The following ANKRD20A1 variants were observed in gnomAD, a reference collection of about 807,000 sequenced individuals.
ANKRD20A1 encodes the protein ankyrin repeat domain 20 family member A1, also known as ankyrin repeat domain-containing protein 20A1.
A neutral mutation model predicts 50.9 loss-of-function variants in ANKRD20A1; 2 were observed. The observed-to-expected ratio is 0.04, with a 90% CI of 0.02 to 0.12. The LOEUF (loss-of-function observed/expected upper bound fraction) is 0.12, where lower values mean the gene tolerates loss of function less well. ANKRD20A1 is among the 10% of genes least tolerant of loss of function. ANKRD20A1 has a pLI of 1.00. For missense variants in ANKRD20A1, 31 were observed against 548.1 expected, an observed-to-expected ratio of 0.06 and a Z score of 9.42; for synonymous variants, 10 against 186.2, an observed-to-expected ratio of 0.05 and a Z score of 7.70.
rs1827492856 is a variant in ANKRD20A1 at position 67,860,387 on chromosome 9, T to G, written c.203+758T>G. 2 of 40,970 alleles carry G rather than the reference T, an allele frequency of 4.9e-5. 1 individual carries two copies. Among genetic ancestry groups the G allele is most frequent in the African/African-American group, 2.6e-4 (2 of 7,646 alleles). The allele number at this position is 40,970 out of a possible 1,614,324, so 2.5% of individuals were successfully genotyped here. On this transcript the variant is annotated intron_variant, in intron 1 of 14. Transcript: ENST00000562196. Reference sequence around the variant, plus strand: ...ATATCATAAGATATATATATATTACTGATATGTATACATATATAACACATA... The same window carrying G: ...ATATCATAAGATATATATATATTACGGATATGTATACATATATAACACATA...
chr9:67,897,506 A>C (rs1828015227), intron 12 of ANKRD20A1, 53 bp from the exon 13 acceptor site: 1 of 515,076 alleles, frequency 1.9e-6, no homozygotes, highest in Admixed American at 4.1e-5. Context: ...TCAGGGAAAA[A>C]GTTCTTTTTA....
At chr9:67,891,083 G>T (rs556837075) in intron 11 of ANKRD20A1, among the ~76,000 whole-genome samples, 1 of 87,788 alleles carries the variant, frequency 1.1e-5, no homozygotes, top group South Asian at 3.7e-4. Flanking sequence ...ATAACCTGAG[G>T]TTGGGAGTTT....
At chr9:67,891,383 A>C (rs1827945285) in intron 11 of ANKRD20A1, among the ~76,000 whole-genome samples, 1 of 118,830 alleles carries the variant, frequency 8.4e-6, no homozygotes, top group Admixed American at 9.8e-5. Context: ...ACTGAAACAG[A>C]AAAAGTGTAA....
chr9:67,865,199 A>T (rs1426180460), intron 3 of ANKRD20A1, among the ~76,000 whole-genome samples: 1 of 150,570 alleles, frequency 6.6e-6, no homozygotes. Flanking sequence ...GAACTTTAGC[A>T]TACCCAAAAT....
chr9:67,882,229 T>C (rs1827811039), intron 8 of ANKRD20A1, among the ~76,000 whole-genome samples: 1 of 151,218 alleles, frequency 6.6e-6, no homozygotes, highest in Non-Finnish European at 1.5e-5. Context: ...TCAAGTGTTC[T>C]GCCTGCCTCA....
At chr9:67,882,618 A>G (rs1217071155) in intron 8 of ANKRD20A1, among the ~76,000 whole-genome samples, 1 of 148,954 alleles carries the variant, frequency 6.7e-6, no homozygotes, top group African/African-American at 2.4e-5. Flanking sequence ...TATTAAATAT[A>G]CTTTTTCAAG....
rs1175039389 is a variant in ANKRD20A1, at chr9:67,860,211, G to A, written c.203+582G>A. Among the ~76,000 whole-genome samples, 17 of 44,950 alleles carry A rather than the reference G, an allele frequency of 3.8e-4. 8 individuals carry two copies. Among genetic ancestry groups the A allele is most frequent in the Non-Finnish European group, 6.5e-4 (15 of 22,942 alleles). The allele number at this position is 44,950 out of a possible 152,430, so 29.5% of individuals were successfully genotyped here. ...TAGCTGGGATTGCAGGCAGGTGCCA[G>A]CATGCCTGGCTAATTTTTGTATATT... On this transcript the variant is annotated intron_variant, in intron 1 of 14. Coordinates refer to ENST00000562196, the MANE Select transcript of ANKRD20A1 (RefSeq NM_032250.5).
At chr9:67,872,454 C>T (rs1827664393) in intron 6 of ANKRD20A1, among the ~76,000 whole-genome samples, 1 of 107,790 alleles carries the variant, frequency 9.3e-6, no homozygotes, top group African/African-American at 3.1e-5. Context: ...CGGTGGATAG[C>T]GCATCCTACT....
chr9:67,873,313 AT>A (rs1247092541), intron 6 of ANKRD20A1, among the ~76,000 whole-genome samples: 2 of 145,006 alleles, frequency 1.4e-5, no homozygotes, highest in South Asian at 2.2e-4. Flanking sequence ...CAGATTCTCT[AT>A]TTTTTATTCA....
At chr9:67,865,841 A>C (rs1481271218) in intron 3 of ANKRD20A1, among the ~76,000 whole-genome samples, 1 of 147,384 alleles carries the variant, frequency 6.8e-6, no homozygotes, top group Non-Finnish European at 1.5e-5. Context: ...ATTTTGATAA[A>C]AATTTCAAGG....
intron 6 of ANKRD20A1, among the ~76,000 whole-genome samples, 181 bp downstream of exon 6, chr9:67,871,393 C>T (rs1177306107): frequency 7.3e-6 from 1 of 136,298 alleles, no homozygotes; most frequent in Admixed American, 7.2e-5. Flanking sequence ...AATTTAACTT[C>T]TTTAGTTTGA....
At chr9:67,867,968 T>C (rs1827603082) in intron 4 of ANKRD20A1, among the ~76,000 whole-genome samples, 1 of 105,400 alleles carries the variant, frequency 9.5e-6, no homozygotes, top group African/African-American at 3.0e-5. Context: ...GTTTTATTCA[T>C]TTTTAAAGTG....
intron 13 of ANKRD20A1, among the ~76,000 whole-genome samples, chr9:67,898,465 C>T (rs1353227624): frequency 1.9e-4 from 26 of 138,486 alleles, no homozygotes; most frequent in African/African-American, 6.0e-4. Flanking sequence ...AACATACACA[C>T]ACTTATTAAT....
At chr9:67,881,836 G>A (rs1292150498) in intron 8 of ANKRD20A1, among the ~76,000 whole-genome samples, 2 of 151,348 alleles carry the variant, frequency 1.3e-5, no homozygotes, top group African/African-American at 2.4e-5. Context: ...ATCATATTCT[G>A]AAATTTTGAA....
chr9:67,865,542 A>G (rs1424891287), intron 3 of ANKRD20A1, among the ~76,000 whole-genome samples: 8 of 148,848 alleles, frequency 5.4e-5, no homozygotes, highest in African/African-American at 1.8e-4. Context: ...AACAAGGGCT[A>G]TATTCTAATG....
intron 4 of ANKRD20A1, among the ~76,000 whole-genome samples, 157 bp downstream of exon 4, chr9:67,867,540 C>G (rs1587596406): frequency 2.0e-5 from 3 of 152,414 alleles, no homozygotes; most frequent in Admixed American, 2.0e-4. Flanking sequence ...GACTGAGTAA[C>G]ATAAAGAATA....
intron 11 of ANKRD20A1, among the ~76,000 whole-genome samples, chr9:67,892,619 C>CT (rs774636923): frequency 3.6e-5 from 5 of 138,774 alleles, no homozygotes; most frequent in Non-Finnish European, 6.3e-5. Flanking sequence ...CATTCTGAGC[C>CT]TTTTTTTTTC....
rs1177445444 is a variant in ANKRD20A1, at chr9:67,867,555, A to G, written c.599+172A>G. Among the ~76,000 whole-genome samples the G allele has an allele frequency of 2.0e-5, 3 of 152,418 alleles. No individual in the cohort carries two copies. In the East Asian group the frequency reaches 5.8e-4, roughly 29 times the overall value. On this transcript the variant is annotated intron_variant, in intron 4 of 14. Coordinates refer to ENST00000562196, the MANE Select transcript of ANKRD20A1 (RefSeq NM_032250.5). ...GACTGAGTAACATAAAGAATAGTATATAGTAGGATTCATCTTCTCTTATAA... is the reference window on the plus strand; with the variant it reads ...GACTGAGTAACATAAAGAATAGTATGTAGTAGGATTCATCTTCTCTTATAA...
intron 11 of ANKRD20A1, among the ~76,000 whole-genome samples, chr9:67,891,218 T>C: frequency 8.0e-6 from 1 of 124,702 alleles, no homozygotes; most frequent in Non-Finnish European, 1.7e-5. Flanking sequence ...CACTTGAACC[T>C]GGGAGGCAGC....
Sources: allele counts gnomAD v4.1 joint callset (sites outside exome capture counted in the v4.1 genomes callset), GRCh38; gene constraint gnomAD v4.1.1; transcripts MANE v1.5; gene names NCBI Gene and HGNC (gene_info 2026-07-23, HGNC 2026-07-21).